The following COTL1 variants were observed in gnomAD, a reference collection of about 807,000 sequenced individuals.
COTL1 encodes coactosin-like protein.
Under a neutral mutation model 16.5 loss-of-function variants are expected in COTL1, and 15 were observed. That is an observed-to-expected ratio of 0.91 (90% CI 0.61 to 1.40). COTL1 has a LOEUF of 1.40. COTL1 is among the 40% of genes most tolerant of loss of function. The pLI is 0.00. For synonymous variants in COTL1, 112 were observed against 85.3 expected (o/e 1.31, Z -1.73); for missense variants, 220 against 201.5 (o/e 1.09, Z -0.56).
intron 2 of COTL1, among the ~76,000 whole-genome samples, chr16:84,610,009 G>A (rs549343278): frequency 1.1e-3 from 164 of 152,306 alleles, no homozygotes; most frequent in Admixed American, 1.8e-3. Flanking sequence ...ACCACATAGG[G>A]TTGGTGTGGG....
intron 2 of COTL1, among the ~76,000 whole-genome samples, chr16:84,615,695 A>T (rs1024690429): frequency 6.6e-6 from 1 of 152,194 alleles, no homozygotes; most frequent in Non-Finnish European, 1.5e-5. Context: ...TTGCAAAAGC[A>T]TTCAACTACA....
intron 2 of COTL1, among the ~76,000 whole-genome samples, chr16:84,598,013 A>G (rs138101537): frequency 2.4e-3 from 367 of 152,306 alleles, no homozygotes; most frequent in African/African-American, 8.4e-3. Context: ...TCATAGCATC[A>G]CACTGAGCCC....
intron 2 of COTL1, among the ~76,000 whole-genome samples, chr16:84,610,525 C>A (rs1288620769): frequency 2.0e-5 from 3 of 152,194 alleles, no homozygotes; most frequent in Non-Finnish European, 4.4e-5. Flanking sequence ...TCTTTACCAA[C>A]AACTCTGTCC....
At chr16:84,573,740 CAA>C (rs72401655) in intron 3 of COTL1, among the ~76,000 whole-genome samples, 15 of 104,118 alleles carry the variant, frequency 1.4e-4, no homozygotes, top group Admixed American at 6.2e-4. Flanking sequence ...AACTCTGTCT[CAA>C]AAAAAAAAAA....
chr16:84,567,464 A>G (rs1904303810), intron 3 of COTL1: 1 of 152,970 alleles, frequency 6.5e-6, no homozygotes, highest in Non-Finnish European at 1.5e-5. Flanking sequence ...CAAGCTATCA[A>G]AGTGATGTCA....
chr16:84,614,608 A>G (rs1905424099), intron 2 of COTL1, among the ~76,000 whole-genome samples: 1 of 152,140 alleles, frequency 6.6e-6, no homozygotes, highest in South Asian at 2.1e-4. Context: ...GCAGGACCCC[A>G]GGAAGGCCCA....
At chr16:84,608,662 T>C (rs1245274109) in intron 2 of COTL1, among the ~76,000 whole-genome samples, 3 of 152,166 alleles carry the variant, frequency 2.0e-5, no homozygotes, top group Admixed American at 6.5e-5. Flanking sequence ...TTCCAACACT[T>C]TGAGAGGCCA....
intron 3 of COTL1, among the ~76,000 whole-genome samples, chr16:84,579,530 A>G (rs774871573): frequency 6.6e-5 from 10 of 152,246 alleles, no homozygotes; most frequent in African/African-American, 2.2e-4. Context: ...GGAAATGTCA[A>G]GAGAAAGGAC....
At chr16:84,572,725 G>A (rs1272955813) in intron 3 of COTL1, among the ~76,000 whole-genome samples, 3 of 151,632 alleles carry the variant, frequency 2.0e-5, no homozygotes, top group African/African-American at 7.3e-5. Context: ...GCCTCCCAAA[G>A]GCCAGAATTT....
chr16:84,614,699 G>A (rs937427087), intron 2 of COTL1, among the ~76,000 whole-genome samples: 2 of 152,148 alleles, frequency 1.3e-5, no homozygotes, highest in Non-Finnish European at 2.9e-5. Context: ...ATGTTTGGAA[G>A]CAGGAAGCCC....
At chr16:84,580,948 C>A (rs143258234) in intron 3 of COTL1, among the ~76,000 whole-genome samples, 7 of 152,292 alleles carry the variant, frequency 4.6e-5, no homozygotes, top group African/African-American at 1.7e-4. Context: ...TGAGACCAGC[C>A]TGGCCAACAT....
At chr16:84,610,870 CATCTTCA>C (rs148501393) in intron 2 of COTL1, among the ~76,000 whole-genome samples, 44,471 of 151,788 alleles carry the variant, frequency 0.29, 6,784 homozygotes, top group East Asian at 0.46. Flanking sequence ...TCCAACCAAG[CATCTTCA>C]TGATGCTGCC....
chr16:84,614,765 G>C (rs1178268455), intron 2 of COTL1, among the ~76,000 whole-genome samples: 2 of 152,094 alleles, frequency 1.3e-5, no homozygotes. Flanking sequence ...CAGGGAACTG[G>C]GGCCACAAAA....
At chr16:84,589,981 A>G (rs1904821271) in intron 3 of COTL1, 124 bp downstream of exon 3, 2 of 918,198 alleles carry the variant, frequency 2.2e-6, no homozygotes, top group Non-Finnish European at 3.3e-6. Flanking sequence ...GCAGAGACAT[A>G]GCATGGCTTG....
chr16:84,585,167 G>T (rs553537760), intron 3 of COTL1, among the ~76,000 whole-genome samples: 8 of 152,096 alleles, frequency 5.3e-5, no homozygotes, highest in Non-Finnish European at 8.8e-5. Context: ...CCCATGGTCA[G>T]GCAGGTGGTT....
At chr16:84,598,046 A>C (rs1180105802) in intron 2 of COTL1, among the ~76,000 whole-genome samples, 1 of 152,154 alleles carries the variant, frequency 6.6e-6, no homozygotes, top group Admixed American at 6.5e-5. Flanking sequence ...GCCGTCACTG[A>C]GGATACAGCA....
intron 3 of COTL1, among the ~76,000 whole-genome samples, chr16:84,581,833 G>T (rs578180658): frequency 2.0e-5 from 3 of 151,802 alleles, no homozygotes; most frequent in African/African-American, 7.3e-5. Context: ...CAGAAGCAGA[G>T]ATTTGGAAAT....
intron 3 of COTL1, among the ~76,000 whole-genome samples, chr16:84,588,969 A>G (rs1450233520): frequency 6.6e-6 from 1 of 150,714 alleles, no homozygotes; most frequent in African/African-American, 2.4e-5. Context: ...ATTATTTTTT[A>G]TTTGTTTTTT....
At chr16:84,612,607 AC>A (rs1905357269) in intron 2 of COTL1, among the ~76,000 whole-genome samples, 1 of 151,732 alleles carries the variant, frequency 6.6e-6, no homozygotes, top group Non-Finnish European at 1.5e-5. Flanking sequence ...ACATGGTGAA[AC>A]CCCGTCTCTA....
Sources: allele counts gnomAD v4.1 joint callset (sites outside exome capture counted in the v4.1 genomes callset), GRCh38; gene constraint gnomAD v4.1.1; transcripts MANE v1.5; gene names NCBI Gene and HGNC (gene_info 2026-07-23, HGNC 2026-07-21).